The following RPS6KB1 variants were observed in gnomAD, a reference collection of about 807,000 sequenced individuals.
RPS6KB1 encodes ribosomal protein S6 kinase beta-1.
RPS6KB1 carries 12 observed loss-of-function variants against 70.2 expected under a neutral mutation model. The observed-to-expected ratio is 0.17, with a 90% CI of 0.11 to 0.28. The LOEUF (loss-of-function observed/expected upper bound fraction) is 0.28, where lower values mean the gene tolerates loss of function less well. Among genes scored for constraint, RPS6KB1 ranks in the 10% least tolerant of loss-of-function variants. The pLI is 1.00. For synonymous variants in RPS6KB1, 175 were observed against 211.2 expected (o/e 0.83, Z 1.49); for missense variants, 270 against 646.6 (o/e 0.42, Z 6.32).
In RPS6KB1 at chr17:59,934,534, C is replaced by T. The variant is rs1346265601; in HGVS notation, c.870+10C>T. The T allele has an allele frequency of 4.4e-6, 7 of 1,594,376 alleles. No individual in the cohort carries two copies. The highest frequency in any genetic ancestry group is 6.0e-6 in the Non-Finnish European group (7 of 1,162,088). ...CATGCTGACTGGAGCAGTAGGTGCA[C>T]AGTTAAAAGCTGCATGTATTATTGG... On this transcript the variant is annotated intron_variant, in intron 9 of 14. Transcript: ENST00000225577. This position sits in a 1 kb window ranked among gnomAD's most constrained non-coding sequence, Gnocchi z 4.8.
intron 12 of RPS6KB1, among the ~76,000 whole-genome samples, chr17:59,939,592 T>C (rs1224009007): frequency 6.6e-6 from 1 of 152,252 alleles, no homozygotes; most frequent in African/African-American, 2.4e-5. Context: ...GTTATTTTTA[T>C]TGATGCTCAA....
intron 6 of RPS6KB1, chr17:59,930,944 C>G (rs2043894770): frequency 6.6e-6 from 1 of 152,468 alleles, no homozygotes; most frequent in African/African-American, 2.4e-5. Flanking sequence ...CACACCCTCT[C>G]CATCCTGGAG....
intron 1 of RPS6KB1, among the ~76,000 whole-genome samples, chr17:59,896,726 G>A (rs1041269059): frequency 6.6e-6 from 1 of 152,028 alleles, no homozygotes; most frequent in African/African-American, 2.4e-5. Flanking sequence ...AAGAGCAAAG[G>A]CAATTAAAGA....
chr17:59,913,821 C>G (rs1372711623), intron 3 of RPS6KB1: 5 of 152,262 alleles, frequency 3.3e-5, no homozygotes, highest in Admixed American at 6.6e-5. Flanking sequence ...CTGCCTCAGT[C>G]TCCCGAGTAG....
At chr17:59,910,715 A>G (rs2042582801) in intron 2 of RPS6KB1, 104 bp downstream of exon 2, 1 of 707,454 alleles carries the variant, frequency 1.4e-6, no homozygotes, top group Admixed American at 3.0e-5. Context: ...CTGTTCTTAA[A>G]TATGTAGTCA....
intron 4 of RPS6KB1, among the ~76,000 whole-genome samples, chr17:59,920,289 A>T (rs1018601843): frequency 6.6e-6 from 1 of 152,110 alleles, no homozygotes; most frequent in Admixed American, 6.6e-5. Flanking sequence ...AAGTGCTAGG[A>T]TTACAGGCAT....
intron 1 of RPS6KB1, among the ~76,000 whole-genome samples, chr17:59,903,374 C>A (rs1459019114): frequency 6.6e-6 from 1 of 150,840 alleles, no homozygotes; most frequent in Non-Finnish European, 1.5e-5. Flanking sequence ...GTTCGGGAGG[C>A]TGAAGTGGGA....
chr17:59,946,921 G>A lies in RPS6KB1; in HGVS notation c.*133G>A. The A allele has an allele frequency of 2.0e-6, 3 of 1,488,696 alleles. No individual in the cohort carries two copies. Among genetic ancestry groups the A allele is most frequent in the South Asian group, 1.4e-5 (1 of 69,420 alleles). 92.2% of individuals were successfully genotyped at this position (1,488,696 alleles called of 1,614,324 possible). On this transcript the variant is annotated 3_prime_UTR_variant, in exon 15 of 15. Transcript: ENST00000225577. The surrounding 1 kb of genome is among the most constrained non-coding windows in gnomAD (Gnocchi z 4.2). ...CATTACATAGAACACTTCAGACACA[G>A]GAAAAATAAACGTGGATTTTAAAAA...
At chr17:59,913,072 TA>T in intron 3 of RPS6KB1, among the ~76,000 whole-genome samples, 1 of 152,192 alleles carries the variant, frequency 6.6e-6, no homozygotes, top group East Asian at 1.9e-4. Flanking sequence ...CAAAGTCTAT[TA>T]TTAAAGGGTT....
At chr17:59,927,839 TAACAC>T (rs1568465673) in intron 5 of RPS6KB1, among the ~76,000 whole-genome samples, 1 of 151,194 alleles carries the variant, frequency 6.6e-6, no homozygotes, top group Non-Finnish European at 1.5e-5. Flanking sequence ...ATTTCATACT[TAACAC>T]AAAAAGTTTT....
intron 1 of RPS6KB1, among the ~76,000 whole-genome samples, chr17:59,897,105 T>C (rs554183960): frequency 4.6e-5 from 7 of 152,308 alleles, no homozygotes; most frequent in African/African-American, 1.7e-4. Context: ...AAAGATCACA[T>C]AGTGGTAGTG....
At chr17:59,907,928 A>G (rs545556117) in intron 1 of RPS6KB1, among the ~76,000 whole-genome samples, 93 of 152,144 alleles carry the variant, frequency 6.1e-4, no homozygotes, top group African/African-American at 1.9e-3. Context: ...GGTTATTTAA[A>G]TTTTGCACTC....
chr17:59,901,141 A>G (rs971565727), intron 1 of RPS6KB1, among the ~76,000 whole-genome samples: 2 of 150,928 alleles, frequency 1.3e-5, no homozygotes, highest in Non-Finnish European at 3.0e-5. Context: ...AGCCTGGGCA[A>G]CAGAGTGAGA....
intron 9 of RPS6KB1, 31 bp from the exon 10 acceptor site, chr17:59,935,162 C>A: frequency 7.4e-7 from 1 of 1,356,424 alleles, no homozygotes; most frequent in Non-Finnish European, 1.0e-6. Flanking sequence ...TCTCTCCCTG[C>A]TAATATTTTT....
At chr17:59,899,790 C>T (rs145348884) in intron 1 of RPS6KB1, among the ~76,000 whole-genome samples, 72 of 152,088 alleles carry the variant, frequency 4.7e-4, no homozygotes, top group African/African-American at 1.7e-3. Context: ...TACATGTTAT[C>T]GTGATTTGGT....
intron 13 of RPS6KB1, 33 bp from the exon 14 acceptor site, chr17:59,945,373 G>A (rs762090702): frequency 9.3e-5 from 109 of 1,178,088 alleles, no homozygotes; most frequent in Non-Finnish European, 1.3e-4. Flanking sequence ...ATGACAAAAT[G>A]CCATTCTGTA....
chr17:59,922,871 TG>T (rs67285275), intron 4 of RPS6KB1, among the ~76,000 whole-genome samples: 20,301 of 147,818 alleles, frequency 0.14, 1,765 homozygotes, highest in Middle Eastern at 0.18. Flanking sequence ...AAAATTTGTT[TG>T]TTTTTTTTTT....
chr17:59,935,998 G>C (rs960753124), intron 10 of RPS6KB1, among the ~76,000 whole-genome samples: 1 of 151,670 alleles, frequency 6.6e-6, no homozygotes, highest in Non-Finnish European at 1.5e-5. Flanking sequence ...TTTTAGTAGA[G>C]AAGGGGTTTC....
intron 1 of RPS6KB1, among the ~76,000 whole-genome samples, chr17:59,908,866 C>G (rs1317279601): frequency 7.0e-6 from 1 of 142,524 alleles, no homozygotes. Context: ...GATCCGCCCG[C>G]CTCGGCCTCC....
Sources: gnomAD v4.1 joint callset for allele counts (sites outside exome capture counted in the v4.1 genomes callset) on GRCh38, gnomAD v4.1.1 for gene constraint, Gnocchi (gnomAD v3.1) non-coding constraint, MANE v1.5 for transcripts, NCBI Gene and HGNC (gene_info 2026-07-23, HGNC 2026-07-21) for gene names.